NDUFAF4: variants seen among roughly 807,000 people sequenced by gnomAD.
NDUFAF4 encodes the protein NADH dehydrogenase [ubiquinone] 1 alpha subcomplex assembly factor 4.
NDUFAF4 carries 10 observed loss-of-function variants against 15.6 expected under a neutral mutation model. That is an observed-to-expected ratio of 0.64 (90% CI 0.40 to 1.09). The LOEUF is 1.09. Among genes scored for constraint, NDUFAF4 ranks in the 50% least tolerant of loss-of-function variants. The pLI, the probability that NDUFAF4 is intolerant of heterozygous loss-of-function variation, is 0.01. For missense variants in NDUFAF4, 203 were observed against 207.3 expected (o/e 0.98, Z 0.13); for synonymous variants, 77 against 73.3 (o/e 1.05, Z -0.26).
At chr6:96,894,074 T>G (rs1318773611) in intron 2 of NDUFAF4, among the ~76,000 whole-genome samples, 2 of 152,234 alleles carry the variant, frequency 1.3e-5, no homozygotes, top group Admixed American at 6.5e-5. Flanking sequence ...TAGTAGTACC[T>G]GGCTTTATCT....
At chr6:96,891,520 T>C (rs1196924830) in intron 2 of NDUFAF4, 129 bp from the exon 3 acceptor site, 1 of 986,756 alleles carries the variant, frequency 1.0e-6, no homozygotes, top group Non-Finnish European at 1.5e-6. Context: ...CCCACCCAAA[T>C]CTCATGTCAC....
Position 96,896,740 on chromosome 6 carries a change from T to C in NDUFAF4, c.240+4A>G, listed in dbSNP as rs780820503. 1.0e-5 allele frequency: 16 copies of C among 1,603,468 alleles called. No homozygotes were observed. The South Asian group carries it at 1.8e-4, about 18-fold the overall frequency. ...TGTATTCACTTAATTAAACACACAT[T>C]TACCTGCAAGGAAGACACAGGATCT... On this transcript the variant is annotated splice_donor_region_variant and intron_variant, in intron 2 of 2. Coordinates refer to ENST00000316149, the MANE Select transcript of NDUFAF4 (RefSeq NM_014165.4).
At chr6:96,897,596 A>G (rs1398095475) in intron 1 of NDUFAF4, 70 bp downstream of exon 1, 1 of 1,603,168 alleles carries the variant, frequency 6.2e-7, no homozygotes, top group East Asian at 2.2e-5. Flanking sequence ...CTCCGGACCC[A>G]CGCTAGGGAC....
intron 2 of NDUFAF4, among the ~76,000 whole-genome samples, chr6:96,894,104 T>C (rs1280496861): frequency 6.6e-6 from 1 of 152,210 alleles, no homozygotes; most frequent in Non-Finnish European, 1.5e-5. Context: ...TGAAGTCAAC[T>C]ACAGACCAAA....
At position 96,891,006 on chromosome 6, in the gene NDUFAF4, TA is replaced by T. The variant is rs1582310815; in HGVS notation, c.*97del. The T allele has an allele frequency of 2.3e-5, 27 of 1,154,042 alleles. No homozygotes were observed. In the East Asian group the frequency reaches 6.4e-4, roughly 28 times the overall value. The allele number at this position is 1,154,042 out of a possible 1,614,324, so 71.5% of individuals were successfully genotyped here. A position where few individuals can be genotyped will look rare whatever the true frequency, so the allele number is the denominator to read the frequency against. On this transcript the variant is annotated 3_prime_UTR_variant, in exon 3 of 3. Transcript: ENST00000316149. Reference sequence around the variant, plus strand: ...GAGTATGCCCTCACAATGAGAGCATTAAATATTTGGTAATTAACATAATTTA... The same window carrying T: ...GAGTATGCCCTCACAATGAGAGCATTAATATTTGGTAATTAACATAATTTA...
chr6:96,889,721 T>C lies in NDUFAF4; in HGVS notation c.*1383A>G, dbSNP rs1486300863. 1 of 152,514 alleles carries C rather than the reference T, an allele frequency of 6.6e-6. No individual in the cohort carries two copies. The highest frequency in any genetic ancestry group is 2.1e-4 in the South Asian group (1 of 4,832). The allele number at this position is 152,514 out of a possible 1,614,324, so 9.4% of individuals were successfully genotyped here. ...CATTTCCAGGGGCATCTCTGGGAAG[T>C]AGTGATGCCTATCTTCCCTCGGAAG... On this transcript the variant is annotated 3_prime_UTR_variant, in exon 3 of 3. Transcript: ENST00000316149.
At position 96,892,307 on chromosome 6, in the gene NDUFAF4, C is replaced by T. The variant is rs1198625015; in HGVS notation, c.241-916G>A. ...TATGCACACCCATCCTTCCATCTATCTGTCCCATCCCAGCTTAATCCCAGC... is the reference window on the plus strand; with the variant it reads ...TATGCACACCCATCCTTCCATCTATTTGTCCCATCCCAGCTTAATCCCAGC... On this transcript the variant is annotated intron_variant, in intron 2 of 2. Transcript: ENST00000316149. Among the ~76,000 whole-genome samples the T allele has an allele frequency of 1.3e-5, 2 of 152,206 alleles. 1 individual carries two copies. The highest frequency in any genetic ancestry group is 1.3e-4 in the Admixed American group (2 of 15,286).
At chr6:96,894,131 C>T (rs1461389882) in intron 2 of NDUFAF4, among the ~76,000 whole-genome samples, 1 of 152,142 alleles carries the variant, frequency 6.6e-6, no homozygotes, top group African/African-American at 2.4e-5. Context: ...AAATGAAAAA[C>T]TCCAGAAGTA....
Position 96,890,835 on chromosome 6 carries a change from C to CA in NDUFAF4, c.*268dup, listed in dbSNP as rs1775305714. On this transcript the variant is annotated 3_prime_UTR_variant, in exon 3 of 3. Transcript: ENST00000316149. ...AAGTTGGTATATGTGCCTAAAATAACAAATTAACTCTTTCACCATAATAAA... is the reference window on the plus strand; with the variant it reads ...AAGTTGGTATATGTGCCTAAAATAACAAAATTAACTCTTTCACCATAATAAA... 1 of 336,048 alleles carries CA rather than the reference C, an allele frequency of 3.0e-6. No individual in the cohort carries two copies. The highest frequency in any genetic ancestry group is 2.2e-5 in the African/African-American group (1 of 46,322). 20.8% of individuals were successfully genotyped at this position (336,048 alleles called of 1,614,324 possible).
chr6:96,893,743 T>C (rs1026212078), intron 2 of NDUFAF4, among the ~76,000 whole-genome samples: 2 of 151,476 alleles, frequency 1.3e-5, no homozygotes, highest in Admixed American at 1.3e-4. Flanking sequence ...AAAAAAACCC[T>C]TAGGAAATTA....
chr6:96,889,317 G>T lies in NDUFAF4; in HGVS notation c.*1787C>A, dbSNP rs1474839121. ...AAACGCAGTATAGGACTGATGAATG[G>T]TATGGGAAGAAGTTCTTTATTTTAT... is the stretch of plus-strand genomic sequence containing the variant. On this transcript the variant is annotated 3_prime_UTR_variant, in exon 3 of 3. Transcript: ENST00000316149. The T allele has an allele frequency of 6.6e-6, 1 of 152,136 alleles. No homozygotes were observed. The highest frequency in any genetic ancestry group is 1.5e-5 in the Non-Finnish European group (1 of 68,036). The allele number at this position is 152,136 out of a possible 1,614,324, so 9.4% of individuals were successfully genotyped here. A position where few individuals can be genotyped will look rare whatever the true frequency, so the allele number is the denominator to read the frequency against.
Position 96,890,778 on chromosome 6 carries a change from A to C in NDUFAF4, c.*326T>G, listed in dbSNP as rs1775304997. 4 of 247,296 alleles carry C rather than the reference A, an allele frequency of 1.6e-5. No individual in the cohort carries two copies. Among genetic ancestry groups the C allele is most frequent in the South Asian group, 1.6e-4 (3 of 18,822 alleles). 15.3% of individuals were successfully genotyped at this position (247,296 alleles called of 1,614,324 possible). A position where few individuals can be genotyped will look rare whatever the true frequency, so the allele number is the denominator to read the frequency against. On this transcript the variant is annotated 3_prime_UTR_variant, in exon 3 of 3. Transcript: ENST00000316149. ...GTAAAACTCAGTTGAGGGATTCAGG[A>C]CATTTCCCAAGGGGTAATATGACCA...
intron 2 of NDUFAF4, among the ~76,000 whole-genome samples, chr6:96,895,003 G>C (rs1286371915): frequency 6.6e-6 from 1 of 152,090 alleles, no homozygotes; most frequent in Non-Finnish European, 1.5e-5. Context: ...TGTATAAATA[G>C]AAAAATAAGT....
chr6:96,891,353 G>C lies in NDUFAF4; in HGVS notation c.279C>G (p.Phe93Leu), dbSNP rs750854539. The C allele has an allele frequency of 2.1e-5, 34 of 1,612,852 alleles. No individual in the cohort carries two copies. The highest frequency in any genetic ancestry group is 2.8e-5 in the Non-Finnish European group (33 of 1,179,666). ...CAAAATGATGGTCTTTCGGCAATCT[G>C]AATTCCTTCGGCTCTTGACATGTTT... Reference protein sequence around the residue: ...AAETCQEPKEFRLPKDHHFDM... With the variant: ...AAETCQEPKELRLPKDHHFDM... Residue 93 changes from phenylalanine to leucine, a missense_variant, in exon 3 of 3, where the codon TTC becomes TTG. By Grantham distance (22) the Phe-to-Leu change is conservative (BLOSUM62 0). Coordinates refer to ENST00000316149, the MANE Select transcript of NDUFAF4 (RefSeq NM_014165.4).
chr6:96,895,108 T>A (rs1775355680), intron 2 of NDUFAF4, among the ~76,000 whole-genome samples: 1 of 152,218 alleles, frequency 6.6e-6, no homozygotes, highest in South Asian at 2.1e-4. Context: ...AAATTATATT[T>A]ACACAACAAG....
At position 96,896,779 on chromosome 6, in the gene NDUFAF4, A is replaced by G. The variant is rs771421237; in HGVS notation, c.205T>C (p.Tyr69His). 1 of 1,613,474 alleles carries G rather than the reference A, an allele frequency of 6.2e-7. No individual in the cohort carries two copies. ...GACACAGGATCTTTGGAATCAACATACACATCTTTTAGAAACGACAGCAGC... is the reference window on the plus strand; with the variant it reads ...GACACAGGATCTTTGGAATCAACATGCACATCTTTTAGAAACGACAGCAGC... ...EKLLSFLKDV[Y>H]VDSKDPVSSL... Residue 69 changes from tyrosine (Y) to histidine (H), a missense_variant, in exon 2 of 3, where the codon TAT becomes CAT. Coordinates refer to ENST00000316149, the MANE Select transcript of NDUFAF4 (RefSeq NM_014165.4).
chr6:96,896,666 T>A lies in NDUFAF4; in HGVS notation c.240+78A>T. The A allele has an allele frequency of 3.4e-6, 4 of 1,179,370 alleles. No individual in the cohort carries two copies. The South Asian group carries it at 4.9e-5, about 14-fold the overall frequency. The allele number at this position is 1,179,370 out of a possible 1,614,324, so 73.1% of individuals were successfully genotyped here. ...CACACTTGCAGAGCACTCTTTTTAC[T>A]ACTTGCCACACTTAATCATTTTCCT... On this transcript the variant is annotated intron_variant, in intron 2 of 2. Coordinates refer to ENST00000316149, the MANE Select transcript of NDUFAF4 (RefSeq NM_014165.4).
chr6:96,893,063 C>G (rs983857352), intron 2 of NDUFAF4, among the ~76,000 whole-genome samples: 4 of 152,084 alleles, frequency 2.6e-5, no homozygotes, highest in African/African-American at 9.7e-5. Flanking sequence ...CACTACCTAC[C>G]TCTCATGCCA....
chr6:96,897,468 C>A (rs531728074), intron 1 of NDUFAF4, among the ~76,000 whole-genome samples, 198 bp downstream of exon 1: 2 of 152,292 alleles, frequency 1.3e-5, no homozygotes, highest in African/African-American at 4.8e-5. Context: ...GGCGGGGCCG[C>A]CGACCTCACC....
Sources: gnomAD v4.1 joint callset for allele counts (sites outside exome capture counted in the v4.1 genomes callset) on GRCh38, gnomAD v4.1.1 for gene constraint, MANE v1.5 for transcripts, NCBI Gene and HGNC (gene_info 2026-07-23, HGNC 2026-07-21) for gene names.